FOCAD: variants seen among roughly 807,000 people sequenced by gnomAD.
FOCAD encodes the protein KIAA1797.
A neutral mutation model predicts 225.6 loss-of-function variants in FOCAD; 198 were observed. That is an observed-to-expected ratio of 0.88 (90% CI 0.78 to 0.99). FOCAD has a LOEUF of 0.99. Among genes scored for constraint, FOCAD ranks in the 50% least tolerant of loss-of-function variants. FOCAD has a pLI of 0.00. For missense variants in FOCAD, 2,713 were observed against 2,123.6 expected, an observed-to-expected ratio of 1.28 and a Z score of -5.46; for synonymous variants, 897 against 755.0, an observed-to-expected ratio of 1.19 and a Z score of -3.08.
chr9:20,883,697 A>C (rs1049408731), intron 20 of FOCAD, among the ~76,000 whole-genome samples: 2 of 152,234 alleles, frequency 1.3e-5, no homozygotes, highest in African/African-American at 4.8e-5. Flanking sequence ...GATAGTTTGA[A>C]GTGAATGATA....
intron 23 of FOCAD, 64 bp from the exon 24 acceptor site, chr9:20,916,829 A>G: frequency 6.9e-7 from 1 of 1,446,150 alleles, no homozygotes; most frequent in Non-Finnish European, 9.5e-7. Flanking sequence ...AATTGATGAA[A>G]AAGAGAAAGG....
At chr9:20,921,806 T>C (rs1159110564) in intron 24 of FOCAD, among the ~76,000 whole-genome samples, 1 of 152,246 alleles carries the variant, frequency 6.6e-6, no homozygotes, top group Admixed American at 6.5e-5. Flanking sequence ...TTTTTGGTAC[T>C]GTTTTAAAAC....
rs1475080367 is a variant in FOCAD, at chr9:20,693,970, C to T, written c.-33+9677C>T. ...AAGTGATCTTCCTGCCTTGGCCTCT[C>T]AAAGTGCTGGGATTGCAGGTGTGAG... On this transcript the variant is annotated intron_variant, in intron 1 of 43. Transcript: ENST00000338382. Among the ~76,000 whole-genome samples the T allele has an allele frequency of 3.3e-5, 5 of 152,358 alleles. No individual in the cohort carries two copies. The East Asian group carries it at 7.7e-4, about 23-fold the overall frequency.
chr9:20,987,557 A>T (rs1189749560), intron 40 of FOCAD, among the ~76,000 whole-genome samples: 1 of 152,144 alleles, frequency 6.6e-6, no homozygotes, highest in Non-Finnish European at 1.5e-5. Context: ...TGGCAGTCTG[A>T]AACAGTTTTT....
At chr9:20,934,305 T>G (rs1835752556) in intron 28 of FOCAD, among the ~76,000 whole-genome samples, 1 of 152,212 alleles carries the variant, frequency 6.6e-6, no homozygotes, top group African/African-American at 2.4e-5. Flanking sequence ...AGAAGGGTTT[T>G]TCCAGTGTTA....
intron 1 of FOCAD, among the ~76,000 whole-genome samples, chr9:20,692,320 A>T (rs1040137597): frequency 2.0e-5 from 3 of 152,116 alleles, no homozygotes; most frequent in Non-Finnish European, 4.4e-5. Flanking sequence ...CACAATCTAT[A>T]TATATATACT....
chr9:20,789,580 C>T lies in FOCAD; in HGVS notation c.1427C>T (p.Thr476Ile). The change falls in exon 11 of 44, where the codon ACA becomes ATA. Residue 476 changes from threonine (T) to isoleucine (I), a missense_variant. Physicochemically the swap from Thr to Ile is moderately conservative, Grantham distance 89. Coordinates refer to ENST00000338382, the MANE Select transcript of FOCAD (RefSeq NM_001375567.1). ...CTTCACCAAATACTCAAGGTCACTA[C>T]AGAATTAGCCCAAGCAGATTCCTCC... is the stretch of plus-strand genomic sequence containing the variant. ...QNLHQILKVT[T>I]ELAQADSSQV... is the part of the protein sequence containing the mutation. The T allele has an allele frequency of 1.2e-6, 2 of 1,613,916 alleles. No individual in the cohort carries two copies. The highest frequency in any genetic ancestry group is 1.7e-5 in the Admixed American group (1 of 59,982).
chr9:20,957,686 T>C (rs1838323480), intron 35 of FOCAD: 1 of 140,514 alleles, frequency 7.1e-6, no homozygotes, highest in Non-Finnish European at 1.5e-5. Flanking sequence ...TTTTTTTTTT[T>C]TTTTTTTTTT....
At chr9:20,691,222 T>G (rs1180959844) in intron 1 of FOCAD, among the ~76,000 whole-genome samples, 1 of 151,904 alleles carries the variant, frequency 6.6e-6, no homozygotes, top group Non-Finnish European at 1.5e-5. Flanking sequence ...GGATTACAGG[T>G]GTGAGCCATA....
chr9:20,698,464 A>G (rs1005474409), intron 1 of FOCAD, among the ~76,000 whole-genome samples: 4 of 152,036 alleles, frequency 2.6e-5, no homozygotes, highest in African/African-American at 4.8e-5. Context: ...TAGTGCTGCA[A>G]TCTTTGGCTC....
At chr9:20,929,696 T>A in intron 27 of FOCAD, 100 bp downstream of exon 27, 1 of 933,828 alleles carries the variant, frequency 1.1e-6, no homozygotes, top group Non-Finnish European at 1.6e-6. Flanking sequence ...ATCTGAGCAA[T>A]ATGTGTTTGC....
At chr9:20,803,937 T>C (rs1256914611) in intron 11 of FOCAD, among the ~76,000 whole-genome samples, 2 of 152,178 alleles carry the variant, frequency 1.3e-5, no homozygotes, top group East Asian at 3.9e-4. Flanking sequence ...GTTAACTTTG[T>C]GGCCCTTTGC....
At chr9:20,777,824 C>T (rs1354724683) in intron 8 of FOCAD, among the ~76,000 whole-genome samples, 4 of 151,734 alleles carry the variant, frequency 2.6e-5, no homozygotes, top group South Asian at 4.2e-4. Context: ...CTGTTTAGGC[C>T]GGGCTCGGTG....
At chr9:20,908,108 TG>T (rs1225776417) in intron 22 of FOCAD, among the ~76,000 whole-genome samples, 1 of 152,116 alleles carries the variant, frequency 6.6e-6, no homozygotes, top group Non-Finnish European at 1.5e-5. Context: ...TTTAATCAGT[TG>T]GGGAATATAC....
At chr9:20,677,350 C>A (rs180697259) in intron 2 of FOCAD, among the ~76,000 whole-genome samples, 264 of 152,088 alleles carry the variant, frequency 1.7e-3, no homozygotes, top group African/African-American at 6.0e-3. Flanking sequence ...GCACAGGCAA[C>A]GAAAGCAAAA....
intron 1 of FOCAD, among the ~76,000 whole-genome samples, chr9:20,691,476 A>C (rs978081473): frequency 6.6e-6 from 1 of 151,218 alleles, no homozygotes; most frequent in Admixed American, 6.6e-5. Context: ...TTAATTAATT[A>C]ATTTTATTTT....
chr9:20,708,102 T>C (rs1406019542), intron 1 of FOCAD, among the ~76,000 whole-genome samples: 3 of 152,194 alleles, frequency 2.0e-5, no homozygotes, highest in Non-Finnish European at 2.9e-5. Flanking sequence ...AGTCAGTTGG[T>C]GACTCTAGAA....
intron 11 of FOCAD, among the ~76,000 whole-genome samples, chr9:20,805,271 T>G (rs10811408): frequency 0.18 from 27,680 of 152,184 alleles, 2,843 homozygotes; most frequent in Non-Finnish European, 0.23. Context: ...TTTTAAGAAA[T>G]ATTTTCAGAA....
intron 24 of FOCAD, among the ~76,000 whole-genome samples, chr9:20,918,616 T>G (rs969917129): frequency 1.7e-4 from 26 of 150,706 alleles, no homozygotes; most frequent in African/African-American, 5.9e-4. Context: ...CCCAGCTACT[T>G]GGGAGGCTGA....
Sources: gnomAD v4.1 joint callset for allele counts (sites outside exome capture counted in the v4.1 genomes callset) on GRCh38, gnomAD v4.1.1 for gene constraint, MANE v1.5 for transcripts, NCBI Gene and HGNC (gene_info 2026-07-23, HGNC 2026-07-21) for gene names.